Variants in PCMTD1 observed in about 807,000 individuals in gnomAD.
PCMTD1 encodes the protein protein-L-isoaspartate O-methyltransferase domain-containing protein 1.
In PCMTD1, 12 loss-of-function variants were observed where a neutral mutation model predicts 37.6. The observed-to-expected ratio is 0.32, with a 90% CI of 0.20 to 0.52. The LOEUF (loss-of-function observed/expected upper bound fraction) is 0.52. Ranked by LOEUF, PCMTD1 falls within the 20% of genes least tolerant of loss-of-function variation. PCMTD1 has a pLI of 0.97. For missense variants in PCMTD1, 235 were observed against 421.3 expected, an observed-to-expected ratio of 0.56 and a Z score of 3.87; for synonymous variants, 117 against 135.8, an observed-to-expected ratio of 0.86 and a Z score of 0.96.
intron 1 of PCMTD1, among the ~76,000 whole-genome samples, chr8:51,882,776 C>T (rs560230962): frequency 7.0e-6 from 1 of 142,414 alleles, no homozygotes; most frequent in Admixed American, 7.1e-5. Flanking sequence ...AGAGAAAACG[C>T]AAGTCTTTAA....
chr8:51,824,170 CA>C (rs1401766433), intron 5 of PCMTD1, among the ~76,000 whole-genome samples: 1 of 152,144 alleles, frequency 6.6e-6, no homozygotes, highest in Non-Finnish European at 1.5e-5. Context: ...CACTCCTATT[CA>C]ACATAGTATT....
rs771637516 is a variant in PCMTD1, at chr8:51,820,567, G to A, written c.858C>T (p.Asn286=). Residue 286 remains asparagine, a synonymous_variant, in exon 6 of 6, where the codon AAC becomes AAT. Transcript: ENST00000522514. ...GCTGATTACCCACAAATACGTAAGT[G>A]TTAATTCTCTGTTTAACTCTCTTTC... The part of the protein sequence containing the change: ...RKRKRVKQRI[N]TYVFVGNQLI... The A allele has an allele frequency of 6.2e-7, 1 of 1,612,802 alleles. No homozygotes were observed. Among genetic ancestry groups the A allele is most frequent in the Admixed American group, 1.7e-5 (1 of 59,786 alleles).
intron 1 of PCMTD1, among the ~76,000 whole-genome samples, chr8:51,872,477 C>A (rs989892789): frequency 6.6e-6 from 1 of 152,022 alleles, no homozygotes; most frequent in Admixed American, 6.5e-5. Context: ...CCTAGAAAAA[C>A]CTTTAAAACA....
rs1391233938 is a variant in PCMTD1 at position 51,819,459 on chromosome 8, T to C, written c.*892A>G. ...CCATCCAAGAAAGTGGCCTCACTCA[T>C]GCTCATTCACTCGTTCTGTGTCCTA... On this transcript the variant is annotated 3_prime_UTR_variant, in exon 6 of 6. Transcript: ENST00000522514. The C allele has an allele frequency of 6.6e-6, 1 of 152,254 alleles. No homozygotes were observed. The highest frequency in any genetic ancestry group is 2.4e-5 in the African/African-American group (1 of 41,442). The allele number at this position is 152,254 out of a possible 1,614,324, so 9.4% of individuals were successfully genotyped here. A position where few individuals can be genotyped will look rare whatever the true frequency, so the allele number is the denominator to read the frequency against.
intron 5 of PCMTD1, among the ~76,000 whole-genome samples, chr8:51,825,305 G>A (rs977094653): frequency 1.3e-5 from 2 of 151,984 alleles, no homozygotes; most frequent in Non-Finnish European, 2.9e-5. Context: ...TCTGACAAAG[G>A]GCTAACATGC....
At chr8:51,823,057 A>G (rs986851214) in intron 5 of PCMTD1, among the ~76,000 whole-genome samples, 1 of 152,222 alleles carries the variant, frequency 6.6e-6, no homozygotes, top group Non-Finnish European at 1.5e-5. Flanking sequence ...TCAGAGGAAT[A>G]CCAGAAATTT....
At chr8:51,842,584 CA>C (rs1175320416) in intron 3 of PCMTD1, among the ~76,000 whole-genome samples, 1 of 151,902 alleles carries the variant, frequency 6.6e-6, no homozygotes, top group Non-Finnish European at 1.5e-5. Context: ...CTTGGCCTCC[CA>C]AAGTGCTATG....
intron 5 of PCMTD1, chr8:51,827,294 G>T: frequency 7.9e-7 from 1 of 1,259,920 alleles, no homozygotes; most frequent in Non-Finnish European, 1.0e-6. Context: ...AGAATTTCAA[G>T]TACAGTAGTC....
At chr8:51,898,422 C>G (rs931307702) in intron 1 of PCMTD1, among the ~76,000 whole-genome samples, 4 of 152,136 alleles carry the variant, frequency 2.6e-5, no homozygotes, top group Admixed American at 2.0e-4. Context: ...AGTCCCCTCC[C>G]AGCCCCCGAG....
At chr8:51,821,168 G>A (rs1417563419) in intron 5 of PCMTD1, among the ~76,000 whole-genome samples, 2 of 152,170 alleles carry the variant, frequency 1.3e-5, no homozygotes, top group African/African-American at 2.4e-5. Flanking sequence ...TTGAAACAAG[G>A]TCTCACTACA....
chr8:51,833,394 A>C, intron 4 of PCMTD1, 124 bp downstream of exon 4: 1 of 714,168 alleles, frequency 1.4e-6, no homozygotes, highest in Non-Finnish European at 2.2e-6. Context: ...AAATAAGATA[A>C]ATCTGGTGAA....
chr8:51,821,925 T>C (rs944686038), intron 5 of PCMTD1, among the ~76,000 whole-genome samples: 4 of 152,088 alleles, frequency 2.6e-5, no homozygotes, highest in South Asian at 2.1e-4. Flanking sequence ...TTAGTACAGA[T>C]GGGGTTTCAC....
At chr8:51,831,224 G>T (rs2037993302) in intron 5 of PCMTD1, among the ~76,000 whole-genome samples, 1 of 151,796 alleles carries the variant, frequency 6.6e-6, no homozygotes, top group Admixed American at 6.6e-5. Flanking sequence ...CTTGAACCCA[G>T]GAGGCAGACG....
chr8:51,848,217 T>C (rs1030535423), intron 2 of PCMTD1, among the ~76,000 whole-genome samples: 36 of 151,348 alleles, frequency 2.4e-4, no homozygotes, highest in African/African-American at 8.8e-4. Flanking sequence ...GGCACTCTTA[T>C]GTTTCCTATA....
Position 51,898,938 on chromosome 8 carries a change from C to T in PCMTD1, c.-104G>A. On this transcript the variant is annotated 5_prime_UTR_variant, in exon 1 of 6. Transcript: ENST00000522514. Reference sequence around the variant, plus strand: ...ACTGGCGGCGGCGTTACCTGTGGCGCGGGCAGCGGCGCGCAGGCCAGGCGC... The same window carrying T: ...ACTGGCGGCGGCGTTACCTGTGGCGTGGGCAGCGGCGCGCAGGCCAGGCGC... 4 of 1,390,846 alleles carry T rather than the reference C, an allele frequency of 2.9e-6. No homozygotes were observed. The allele number at this position is 1,390,846 out of a possible 1,614,324, so 86.2% of individuals were successfully genotyped here. A position where few individuals can be genotyped will look rare whatever the true frequency, so the allele number is the denominator to read the frequency against.
intron 1 of PCMTD1, among the ~76,000 whole-genome samples, chr8:51,878,952 C>T (rs1187011626): frequency 6.6e-6 from 1 of 152,042 alleles, no homozygotes; most frequent in African/African-American, 2.4e-5. Context: ...CAGTGAGACC[C>T]TATTTCTATA....
rs1225437163 is a variant in PCMTD1 at position 51,845,776 on chromosome 8, C to A, written c.308-13G>T. 2 of 1,586,654 alleles carry A rather than the reference C, an allele frequency of 1.3e-6. No individual in the cohort carries two copies. The highest frequency in any genetic ancestry group is 4.5e-5 in the East Asian group (2 of 44,670). The stretch of plus-strand genomic sequence containing the variant: ...ATTCCAAAAGGACCTGCAATCGTAG[C>A]AGCATTTTTATAAAAAATATTAATA... On this transcript the variant is annotated splice_polypyrimidine_tract_variant and intron_variant, in intron 2 of 5. Transcript: ENST00000522514.
chr8:51,829,385 T>C (rs2037968259), intron 5 of PCMTD1, among the ~76,000 whole-genome samples: 1 of 152,216 alleles, frequency 6.6e-6, no homozygotes, highest in Admixed American at 6.5e-5. Context: ...TAGGCTTGTA[T>C]GTTTCAGGTG....
intron 3 of PCMTD1, among the ~76,000 whole-genome samples, chr8:51,835,209 G>A (rs1489089796): frequency 6.6e-6 from 1 of 152,158 alleles, no homozygotes; most frequent in East Asian, 1.9e-4. Context: ...CTGTGTATGT[G>A]CTGTTCCCTT....
Sources: gnomAD v4.1 joint callset for allele counts (sites outside exome capture counted in the v4.1 genomes callset) on GRCh38, gnomAD v4.1.1 for gene constraint, MANE v1.5 for transcripts, NCBI Gene and HGNC (gene_info 2026-07-23, HGNC 2026-07-21) for gene names.